Variants in NRP1 observed in about 807,000 individuals in gnomAD.
The protein encoded by NRP1 is neuropilin 1.
In NRP1, 35 loss-of-function variants were observed where a neutral mutation model predicts 106.7. The ratio of observed to expected loss-of-function variants is 0.33; its 90% CI spans 0.25 to 0.43. The LOEUF (loss-of-function observed/expected upper bound fraction) is 0.43, where lower values mean the gene tolerates loss of function less well. Ranked by LOEUF, NRP1 falls within the 20% of genes least tolerant of loss-of-function variation. The pLI is 1.00. For synonymous variants in NRP1, 437 were observed against 417.9 expected, an observed-to-expected ratio of 1.05 and a Z score of -0.56; for missense variants, 1,024 against 1,170.4, an observed-to-expected ratio of 0.87 and a Z score of 1.83.
chr10:33,285,060 T>C (rs1844417528), intron 2 of NRP1, among the ~76,000 whole-genome samples: 1 of 152,222 alleles, frequency 6.6e-6, no homozygotes, highest in Non-Finnish European at 1.5e-5. Context: ...AAGGATTTAA[T>C]TTGACTCAGT....
intron 2 of NRP1, among the ~76,000 whole-genome samples, chr10:33,285,180 A>C (rs570123040): frequency 3.3e-5 from 5 of 152,340 alleles, no homozygotes; most frequent in African/African-American, 1.2e-4. Context: ...TGACAAATGC[A>C]CTTAGCTTGT....
At chr10:33,252,485 C>T (rs556793792) in intron 6 of NRP1, among the ~76,000 whole-genome samples, 3 of 152,204 alleles carry the variant, frequency 2.0e-5, no homozygotes, top group African/African-American at 4.8e-5. Context: ...GCCGTGGGGT[C>T]GAAGCCCCAC....
At chr10:33,329,518 C>T (rs898539101) in intron 2 of NRP1, among the ~76,000 whole-genome samples, 1 of 152,178 alleles carries the variant, frequency 6.6e-6, no homozygotes, top group Admixed American at 6.5e-5. Context: ...TTCAAATAGA[C>T]TGTCTTTAAC....
At chr10:33,237,124 CAAACTA>C (rs1434619672) in intron 6 of NRP1, among the ~76,000 whole-genome samples, 1 of 152,072 alleles carries the variant, frequency 6.6e-6, no homozygotes, top group Admixed American at 6.5e-5. Context: ...CGTAGCCACT[CAAACTA>C]AAAGTGTGAA....
intron 15 of NRP1, among the ~76,000 whole-genome samples, chr10:33,184,939 G>C (rs530263905): frequency 4.6e-5 from 7 of 152,216 alleles, no homozygotes; most frequent in Non-Finnish European, 1.0e-4. Flanking sequence ...TTTCAATGTA[G>C]CAAATGGAGC....
intron 2 of NRP1, among the ~76,000 whole-genome samples, chr10:33,310,800 AT>A (rs1685310506): frequency 6.6e-6 from 1 of 152,122 alleles, no homozygotes; most frequent in South Asian, 2.1e-4. Flanking sequence ...CATTCTACTA[AT>A]GTATTTAGTT....
At chr10:33,314,497 A>G (rs1239603000) in intron 2 of NRP1, among the ~76,000 whole-genome samples, 1 of 152,234 alleles carries the variant, frequency 6.6e-6, no homozygotes, top group Non-Finnish European at 1.5e-5. Flanking sequence ...TATTGCGGAA[A>G]ACTAAGTGTA....
intron 12 of NRP1, among the ~76,000 whole-genome samples, chr10:33,193,350 A>G (rs961784136): frequency 1.3e-5 from 2 of 152,256 alleles, no homozygotes; most frequent in Non-Finnish European, 2.9e-5. Flanking sequence ...ACTTATTCCA[A>G]GTATGACTGT....
intron 12 of NRP1, 133 bp from the exon 13 acceptor site, chr10:33,192,551 G>T: frequency 1.1e-6 from 1 of 883,320 alleles, no homozygotes; most frequent in Non-Finnish European, 1.7e-6. Context: ...GAAAATTCCA[G>T]GAAAGCCAGG....
intron 2 of NRP1, among the ~76,000 whole-genome samples, chr10:33,323,569 C>A (rs1169683329): frequency 1.3e-5 from 2 of 152,028 alleles, no homozygotes; most frequent in Non-Finnish European, 1.5e-5. Context: ...GCCCTAGATA[C>A]CAGATACAGG....
In NRP1 at chr10:33,252,123, A is replaced by G. The variant is rs74487420; in HGVS notation, c.981+1905T>C. Among the ~76,000 whole-genome samples, 1,382 of 152,270 alleles carry G rather than the reference A, an allele frequency of 9.1e-3. 18 individuals carry two copies. The highest frequency in any genetic ancestry group is 0.032 in the African/African-American group (1,311 of 41,538). The stretch of plus-strand genomic sequence containing the variant: ...GGAACACATTGGGGGAAGAAGGCAC[A>G]AGTGGCTGATCGTCGAGAGCCCACC... On this transcript the variant is annotated intron_variant, in intron 6 of 16. Transcript: ENST00000374867.
chr10:33,305,862 G>T (rs182619079), intron 2 of NRP1, among the ~76,000 whole-genome samples: 1 of 151,926 alleles, frequency 6.6e-6, no homozygotes, highest in African/African-American at 2.4e-5. Flanking sequence ...TCCGCCTCCT[G>T]GGTTCAAGAG....
intron 12 of NRP1, among the ~76,000 whole-genome samples, chr10:33,195,271 T>C (rs1639128695): frequency 6.6e-6 from 1 of 152,164 alleles, no homozygotes; most frequent in African/African-American, 2.4e-5. Context: ...AGGTGATGAA[T>C]ATACTCCGAA....
At chr10:33,243,931 GTT>G (rs1491463025) in intron 6 of NRP1, among the ~76,000 whole-genome samples, 2 of 135,190 alleles carry the variant, frequency 1.5e-5, no homozygotes, top group Admixed American at 7.1e-5. Context: ...GAGGGTAGAG[GTT>G]TGTGTGTGTG....
chr10:33,327,765 G>A (rs1847993455), intron 2 of NRP1, among the ~76,000 whole-genome samples: 1 of 151,954 alleles, frequency 6.6e-6, no homozygotes, highest in Admixed American at 6.6e-5. Context: ...CACATTTGTA[G>A]AATCTCAAAT....
intron 2 of NRP1, among the ~76,000 whole-genome samples, chr10:33,276,509 C>T (rs1843706561): frequency 6.6e-6 from 1 of 152,146 alleles, no homozygotes; most frequent in African/African-American, 2.4e-5. Context: ...TTACAATGAT[C>T]CCAGGAAGGC....
chr10:33,264,376 C>T (rs16934295), intron 3 of NRP1, among the ~76,000 whole-genome samples: 5,889 of 152,248 alleles, frequency 0.039, 369 homozygotes, highest in African/African-American at 0.13. Flanking sequence ...CTTTGACAAA[C>T]GAAATGTGAA....
chr10:33,228,259 C>T (rs778499274), intron 6 of NRP1, among the ~76,000 whole-genome samples: 1 of 152,150 alleles, frequency 6.6e-6, no homozygotes, highest in Non-Finnish European at 1.5e-5. Context: ...GTAATCCCAA[C>T]TACTCGGGAG....
rs180978025 is a variant in NRP1, at chr10:33,182,648, T to C, written c.2482+50A>G. 105 of 1,281,884 alleles carry C rather than the reference T, an allele frequency of 8.2e-5. No individual in the cohort carries two copies. In the East Asian group the frequency reaches 1.8e-3, roughly 22 times the overall value. 79.4% of individuals were successfully genotyped at this position (1,281,884 alleles called of 1,614,324 possible). On this transcript the variant is annotated intron_variant, in intron 16 of 16. Transcript: ENST00000374867. ...CCACAAAGTTTCTTCATAAACACAA[T>C]GAAAGCCATAGTAAAATTTTTTAAA...
Sources: allele counts gnomAD v4.1 joint callset (sites outside exome capture counted in the v4.1 genomes callset), GRCh38; gene constraint gnomAD v4.1.1; transcripts MANE v1.5; gene names NCBI Gene and HGNC (gene_info 2026-07-23, HGNC 2026-07-21).